The following ERC1 variants were observed in gnomAD, a reference collection of about 807,000 sequenced individuals.
The protein encoded by ERC1 is RAB6 interacting protein 2.
ERC1 carries 56 observed loss-of-function variants against 132.0 expected under a neutral mutation model. The ratio of observed to expected loss-of-function variants is 0.42; its 90% CI spans 0.34 to 0.53. The LOEUF (loss-of-function observed/expected upper bound fraction) is 0.53. Among genes scored for constraint, ERC1 ranks in the 20% least tolerant of loss-of-function variants. The probability of loss-of-function intolerance (pLI) is 0.03; values close to 1 mark genes in which losing one functional copy is unlikely to be tolerated. For missense variants in ERC1, 1,202 were observed against 1,349.9 expected (o/e 0.89, Z 1.72); for synonymous variants, 478 against 476.1 (o/e 1.00, Z -0.05).
intron 18 of ERC1, among the ~76,000 whole-genome samples, chr12:1,483,696 T>C (rs952236974): frequency 1.2e-5 from 1 of 81,242 alleles, no homozygotes; most frequent in Admixed American, 1.1e-4. Context: ...TTTTTTTTTT[T>C]TTTTTTTTTT....
chr12:1,341,069 CTTTTTTT>C (rs35902573), intron 15 of ERC1, among the ~76,000 whole-genome samples: 3 of 63,156 alleles, frequency 4.8e-5, no homozygotes, highest in African/African-American at 1.3e-4. Context: ...TTTTCTTTTT[CTTTTTTT>C]TTTTTTTTTT....
intron 17 of ERC1, among the ~76,000 whole-genome samples, chr12:1,426,690 TA>T (rs2092652676): frequency 6.6e-6 from 1 of 152,212 alleles, no homozygotes; most frequent in Non-Finnish European, 1.5e-5. Flanking sequence ...TAATGCATAC[TA>T]TTGCAGATTT....
intron 2 of ERC1, among the ~76,000 whole-genome samples, chr12:1,047,620 TACAA>T (rs1454311685): frequency 1.3e-5 from 2 of 152,250 alleles, no homozygotes. Flanking sequence ...ATAATGTGTT[TACAA>T]ACAGTGTTCC....
intron 12 of ERC1, among the ~76,000 whole-genome samples, chr12:1,220,078 A>G (rs535969863): frequency 6.6e-6 from 1 of 152,152 alleles, no homozygotes; most frequent in South Asian, 2.1e-4. Context: ...CAAGCTAAGC[A>G]TTTTCTATCC....
intron 15 of ERC1, among the ~76,000 whole-genome samples, chr12:1,291,956 T>C (rs1338457178): frequency 6.6e-6 from 1 of 152,216 alleles, no homozygotes; most frequent in Non-Finnish European, 1.5e-5. Context: ...TACTTTTTTA[T>C]TCCACTTTTA....
At chr12:1,427,633 CTT>C (rs1258399797) in intron 17 of ERC1, among the ~76,000 whole-genome samples, 1 of 152,134 alleles carries the variant, frequency 6.6e-6, no homozygotes, top group Non-Finnish European at 1.5e-5. Flanking sequence ...TAAAGAGTGT[CTT>C]TGCCCTAAGA....
chr12:1,190,045 T>A lies in ERC1; in HGVS notation c.2344T>A (p.Leu782Met). The part of the protein sequence containing the change: ...KNDKDKKIAE[L>M]ERQVKDQNKK... ...TGACAAAGATAAGAAGATAGCTGAG[T>A]TGGAAAGGTAAGAAAGTGAAGCTGA... Residue 782 changes from leucine to methionine, a missense_variant, in exon 12 of 19, where the codon TTG (leucine) becomes ATG (methionine). Coordinates refer to ENST00000360905, the MANE Select transcript of ERC1 (RefSeq NM_178040.4). The A allele has an allele frequency of 6.2e-7, 1 of 1,612,900 alleles. No individual in the cohort carries two copies. The highest frequency in any genetic ancestry group is 8.5e-7 in the Non-Finnish European group (1 of 1,179,296).
chr12:1,008,808 A>G (rs1964174765), intron 1 of ERC1, among the ~76,000 whole-genome samples: 1 of 152,234 alleles, frequency 6.6e-6, no homozygotes, highest in Admixed American at 6.5e-5. Context: ...GGAATTAAGT[A>G]TCGGTTTTTA....
chr12:1,154,818 C>T (rs1951213016), intron 8 of ERC1, among the ~76,000 whole-genome samples: 1 of 152,120 alleles, frequency 6.6e-6, no homozygotes, highest in Non-Finnish European at 1.5e-5. Context: ...CTCAGCATCA[C>T]TAATCATCAG....
intron 8 of ERC1, among the ~76,000 whole-genome samples, chr12:1,177,461 A>G (rs1953865507): frequency 6.6e-6 from 1 of 152,232 alleles, no homozygotes; most frequent in African/African-American, 2.4e-5. Context: ...TTTAGAGGCC[A>G]TTGTTGGGTT....
At chr12:1,113,533 G>C (rs930543496) in intron 6 of ERC1, among the ~76,000 whole-genome samples, 1 of 152,132 alleles carries the variant, frequency 6.6e-6, no homozygotes, top group Non-Finnish European at 1.5e-5. Context: ...TTGTGGCTAA[G>C]ACTGGAATAA....
intron 2 of ERC1, among the ~76,000 whole-genome samples, chr12:1,055,961 CATA>C (rs1972867521): frequency 6.6e-6 from 1 of 151,048 alleles, no homozygotes; most frequent in African/African-American, 2.4e-5. Flanking sequence ...GCCTGGGCAA[CATA>C]ATGAGACCCC....
At chr12:1,099,352 CA>C (rs983268929) in intron 3 of ERC1, among the ~76,000 whole-genome samples, 1 of 151,736 alleles carries the variant, frequency 6.6e-6, no homozygotes, top group African/African-American at 2.4e-5. Context: ...TCTCAACTCC[CA>C]TGTGTCATTC....
intron 12 of ERC1, among the ~76,000 whole-genome samples, chr12:1,226,435 C>T (rs952566853): frequency 6.6e-6 from 1 of 152,124 alleles, no homozygotes; most frequent in Non-Finnish European, 1.5e-5. Flanking sequence ...GTTGTTAGAA[C>T]CCTTAAGATC....
intron 15 of ERC1, among the ~76,000 whole-genome samples, chr12:1,360,803 C>T (rs1336334281): frequency 1.3e-5 from 2 of 152,066 alleles, no homozygotes; most frequent in African/African-American, 4.8e-5. Flanking sequence ...AAATACAGGG[C>T]TGGGTACAGT....
chr12:1,445,822 A>C (rs1295260043), intron 18 of ERC1, among the ~76,000 whole-genome samples: 1 of 152,256 alleles, frequency 6.6e-6, no homozygotes, highest in Non-Finnish European at 1.5e-5. Context: ...ACTGAAGGAA[A>C]GTCTGAGTAG....
At chr12:1,261,681 G>T (rs747827273) in intron 13 of ERC1, among the ~76,000 whole-genome samples, 1 of 152,018 alleles carries the variant, frequency 6.6e-6, no homozygotes, top group East Asian at 1.9e-4. Context: ...GTTTTGTTTT[G>T]TTTTGTTTTG....
At chr12:1,447,951 G>C (rs1263400658) in intron 18 of ERC1, among the ~76,000 whole-genome samples, 1 of 152,100 alleles carries the variant, frequency 6.6e-6, no homozygotes, top group African/African-American at 2.4e-5. Flanking sequence ...TGCCTGCCCA[G>C]CTTGTCTTTG....
intron 7 of ERC1, among the ~76,000 whole-genome samples, chr12:1,119,267 G>GGT (rs757223321): frequency 2.3e-4 from 32 of 138,236 alleles, no homozygotes; most frequent in African/African-American, 8.8e-4. Flanking sequence ...TGTTTTTTTT[G>GGT]TTTTTTTTTT....
Sources: allele counts gnomAD v4.1 joint callset (sites outside exome capture counted in the v4.1 genomes callset), GRCh38; gene constraint gnomAD v4.1.1; transcripts MANE v1.5; gene names NCBI Gene and HGNC (gene_info 2026-07-23, HGNC 2026-07-21).